The following GRID1 variants were observed in gnomAD, a reference collection of about 807,000 sequenced individuals.
GRID1 encodes the protein glutamate receptor ionotropic, delta-1.
GRID1 carries 28 observed loss-of-function variants against 98.0 expected under a neutral mutation model. The ratio of observed to expected loss-of-function variants is 0.29; its 90% CI spans 0.21 to 0.39. GRID1 has a LOEUF of 0.39. GRID1 is among the 10% of genes least tolerant of loss of function. GRID1 has a pLI of 1.00. For synonymous variants in GRID1, 553 were observed against 538.5 expected (o/e 1.03, Z -0.37); for missense variants, 1,111 against 1,340.5 (o/e 0.83, Z 2.67).
intron 12 of GRID1, among the ~76,000 whole-genome samples, chr10:85,709,883 C>T (rs1671243352): frequency 6.6e-6 from 1 of 151,900 alleles, no homozygotes; most frequent in Non-Finnish European, 1.5e-5. Context: ...ATATTTACAT[C>T]CACATGTAAC....
intron 4 of GRID1, among the ~76,000 whole-genome samples, chr10:86,013,091 C>T (rs2131882340): frequency 6.6e-6 from 1 of 152,282 alleles, no homozygotes; most frequent in East Asian, 1.9e-4. Flanking sequence ...AGTTTCAACC[C>T]TAGTCAGTCC....
intron 4 of GRID1, among the ~76,000 whole-genome samples, chr10:86,060,580 C>T (rs528891051): frequency 1.3e-5 from 2 of 152,318 alleles, no homozygotes; most frequent in Admixed American, 6.5e-5. Context: ...CCATCTGCCC[C>T]GCTCTAAAGC....
At chr10:85,672,847 G>A (rs1470111707) in intron 12 of GRID1, among the ~76,000 whole-genome samples, 3 of 152,190 alleles carry the variant, frequency 2.0e-5, no homozygotes, top group Non-Finnish European at 4.4e-5. Context: ...GCAGCCCATG[G>A]ATCAAGGTAT....
At chr10:85,952,093 G>A (rs933849809) in intron 4 of GRID1, among the ~76,000 whole-genome samples, 1 of 152,166 alleles carries the variant, frequency 6.6e-6, no homozygotes, top group Non-Finnish European at 1.5e-5. Flanking sequence ...TCAAAAACAA[G>A]ACTTACGTCG....
intron 5 of GRID1, among the ~76,000 whole-genome samples, chr10:85,895,506 C>A (rs567251496): frequency 8.1e-4 from 123 of 152,256 alleles, no homozygotes; most frequent in African/African-American, 2.7e-3. Flanking sequence ...TAAGCCACTG[C>A]CCCATTATTA....
chr10:86,290,880 G>C (rs908214538), intron 2 of GRID1, among the ~76,000 whole-genome samples: 4 of 152,142 alleles, frequency 2.6e-5, no homozygotes, highest in African/African-American at 9.7e-5. Flanking sequence ...ACCAGCAAGA[G>C]AGAACACCTC....
At chr10:85,667,379 C>T (rs1193248152) in intron 12 of GRID1, among the ~76,000 whole-genome samples, 1 of 151,516 alleles carries the variant, frequency 6.6e-6, no homozygotes, top group African/African-American at 2.4e-5. Context: ...TAGCCTACTC[C>T]CCTAGTAGGC....
At chr10:85,847,171 G>A (rs1179677912) in intron 8 of GRID1, among the ~76,000 whole-genome samples, 1 of 152,216 alleles carries the variant, frequency 6.6e-6, no homozygotes, top group African/African-American at 2.4e-5. Flanking sequence ...TTCACTTACA[G>A]AATGGAGACA....
chr10:85,831,853 A>G (rs1160330078), intron 8 of GRID1, among the ~76,000 whole-genome samples: 1 of 152,126 alleles, frequency 6.6e-6, no homozygotes, highest in Non-Finnish European at 1.5e-5. Flanking sequence ...TGAAAGAAAA[A>G]TAAACACAAA....
intron 5 of GRID1, among the ~76,000 whole-genome samples, chr10:85,871,523 A>G (rs1175237047): frequency 6.6e-6 from 1 of 152,262 alleles, no homozygotes; most frequent in Non-Finnish European, 1.5e-5. Context: ...GCGGTAAATT[A>G]CAAGACAAAA....
At chr10:86,142,986 C>T (rs1845031300) in intron 3 of GRID1, among the ~76,000 whole-genome samples, 1 of 152,266 alleles carries the variant, frequency 6.6e-6, no homozygotes, top group Non-Finnish European at 1.5e-5. Flanking sequence ...CAGAGCTCCT[C>T]TGCACCTCCC....
intron 8 of GRID1, among the ~76,000 whole-genome samples, chr10:85,796,591 T>C (rs898554010): frequency 6.6e-6 from 1 of 151,904 alleles, no homozygotes; most frequent in Admixed American, 6.6e-5. Context: ...CGTGAATATA[T>C]AATCTAGCCA....
chr10:85,784,959 G>A (rs561118646), intron 8 of GRID1, among the ~76,000 whole-genome samples: 70 of 152,282 alleles, frequency 4.6e-4, no homozygotes, highest in African/African-American at 1.7e-3. Context: ...TCTGCTCAAT[G>A]AGATGTGACA....
chr10:85,845,696 C>T (rs1460024269), intron 8 of GRID1, among the ~76,000 whole-genome samples: 1 of 152,178 alleles, frequency 6.6e-6, no homozygotes, highest in Non-Finnish European at 1.5e-5. Context: ...CTCTGGGGAA[C>T]TGTAACAACC....
At chr10:85,852,611 A>G (rs984904444) in intron 8 of GRID1, among the ~76,000 whole-genome samples, 1 of 152,178 alleles carries the variant, frequency 6.6e-6, no homozygotes, top group Non-Finnish European at 1.5e-5. Context: ...GTGCGCCAGG[A>G]CCGTGGTCGA....
chr10:86,248,242 A>G (rs1846762822), intron 2 of GRID1, among the ~76,000 whole-genome samples: 1 of 152,094 alleles, frequency 6.6e-6, no homozygotes, highest in Non-Finnish European at 1.5e-5. Context: ...ACCTTCACCC[A>G]CCTTCACCCC....
At position 85,820,023 on chromosome 10, in the gene GRID1, AAGGAAGGCAGGCAGGCAGGCAGGC is replaced by A. The variant is rs1326006478; in HGVS notation, c.1233+34449_1233+34472del. 4.0e-3 allele frequency among the ~76,000 whole-genome samples: 358 copies of A among 90,088 alleles called. 4 individuals are homozygous for A. Among genetic ancestry groups the A allele is most frequent in the East Asian group, 0.02 (55 of 2,816 alleles). The allele number at this position is 90,088 out of a possible 152,430, so 59.1% of individuals were successfully genotyped here. ...GAAGGAAGGAAGGAAGGAAGGAAGG[AAGGAAGGCAGGCAGGCAGGCAGGC>A]AGGCAGGCAGGCAGGCAGGCAGGAA... On this transcript the variant is annotated intron_variant, in intron 8 of 15. Coordinates refer to ENST00000327946, the MANE Select transcript of GRID1 (RefSeq NM_017551.3).
intron 8 of GRID1, among the ~76,000 whole-genome samples, chr10:85,838,233 A>G (rs1391948308): frequency 1.3e-5 from 2 of 152,192 alleles, no homozygotes; most frequent in Non-Finnish European, 2.9e-5. Flanking sequence ...CTTGGTAAAT[A>G]TATTCCAGGA....
At chr10:85,956,195 T>C (rs1360816225) in intron 4 of GRID1, among the ~76,000 whole-genome samples, 4 of 152,222 alleles carry the variant, frequency 2.6e-5, no homozygotes, top group Non-Finnish European at 1.5e-5. Flanking sequence ...AATCATTTCC[T>C]GAGTCAGACT....
Sources: allele counts gnomAD v4.1 joint callset (sites outside exome capture counted in the v4.1 genomes callset), GRCh38; gene constraint gnomAD v4.1.1; transcripts MANE v1.5; gene names NCBI Gene and HGNC (gene_info 2026-07-23, HGNC 2026-07-21).